Variants in VPS13D observed in about 807,000 individuals in gnomAD.
The protein encoded by VPS13D is intermembrane lipid transfer protein VPS13D.
A neutral mutation model predicts 461.9 loss-of-function variants in VPS13D; 187 were observed. That is an observed-to-expected ratio of 0.40 (90% CI 0.36 to 0.46). VPS13D has a LOEUF of 0.46. Among genes scored for constraint, VPS13D ranks in the 20% least tolerant of loss-of-function variants. The pLI, the probability that VPS13D is intolerant of heterozygous loss-of-function variation, is 0.60. For missense variants in VPS13D, 4,711 were observed against 5,364.9 expected, an observed-to-expected ratio of 0.88 and a Z score of 3.81; for synonymous variants, 1,951 against 1,986.3, an observed-to-expected ratio of 0.98 and a Z score of 0.47.
At chr1:12,294,761 G>A (rs1185489220) in intron 24 of VPS13D, among the ~76,000 whole-genome samples, 3 of 152,080 alleles carry the variant, frequency 2.0e-5, no homozygotes, top group Admixed American at 6.5e-5. Flanking sequence ...GGAGTGAGCC[G>A]AGGTGGCGCC....
chr1:12,297,289 A>C (rs1642304186), intron 24 of VPS13D, among the ~76,000 whole-genome samples: 1 of 152,186 alleles, frequency 6.6e-6, no homozygotes, highest in African/African-American at 2.4e-5. Flanking sequence ...TAAGAGTATC[A>C]GTTATACCAG....
chr1:12,349,139 G>A (rs768087649), intron 45 of VPS13D, 25 bp from the exon 46 acceptor site: 5 of 1,612,890 alleles, frequency 3.1e-6, no homozygotes, highest in Non-Finnish European at 3.4e-6. Flanking sequence ...TTGCCTGAAA[G>A]TGTTAACCCT....
Position 12,279,519 on chromosome 1 carries a change from A to G in VPS13D, c.4471A>G (p.Thr1491Ala). 6.2e-7 allele frequency: 1 copy of G among 1,602,562 alleles called. No individual in the cohort carries two copies. Among genetic ancestry groups the G allele is most frequent in the South Asian group, 1.1e-5 (1 of 89,398 alleles). ...RGQAFHILNN[T>A]TIQFKLEKIP... is the part of the protein sequence containing the mutation. The stretch of plus-strand genomic sequence containing the variant: ...GCCAGCTTTTCACATCCTGAACAAC[A>G]CCACCATTCAGTTTAAACTGGAGAA... Residue 1491 changes from threonine to alanine, a missense_variant, in exon 20 of 70, where the codon ACC becomes GCC. Coordinates refer to ENST00000620676, the MANE Select transcript of VPS13D (RefSeq NM_015378.4). The surrounding 1 kb of genome is among the most constrained non-coding windows in gnomAD (Gnocchi z 4.3).
At chr1:12,485,701 T>A (rs1645788827) in intron 67 of VPS13D, among the ~76,000 whole-genome samples, 1 of 151,914 alleles carries the variant, frequency 6.6e-6, no homozygotes, top group African/African-American at 2.4e-5. Flanking sequence ...GGAGAAAAAA[T>A]CCAGTAGTGT....
rs1321620347 is a variant in VPS13D at position 12,401,638 on chromosome 1, G to C, written c.11815G>C (p.Val3939Leu). The C allele has an allele frequency of 3.7e-6, 6 of 1,613,298 alleles. No individual in the cohort carries two copies. Among genetic ancestry groups the C allele is most frequent in the Non-Finnish European group, 5.1e-6 (6 of 1,179,486 alleles). ...GATGATCACAGCTCAGAGATTCACA[G>C]TGCAAATTGAGGAGAAACTGCTCCT... ...HLMITAQRFT[V>L]QIEEKLLLKL... Residue 3939 changes from valine to leucine, a missense_variant, in exon 62 of 70, where the codon GTG (valine) becomes CTG (leucine). Val to Leu is a conservative substitution (Grantham distance 32). This residue lies in a region of VPS13D where 4,411 missense variants were observed against 4,937.8 expected (regional missense o/e 0.89). Coordinates refer to ENST00000620676, the MANE Select transcript of VPS13D (RefSeq NM_015378.4).
intron 67 of VPS13D, among the ~76,000 whole-genome samples, chr1:12,484,536 A>G (rs538590573): frequency 1.0e-3 from 157 of 152,354 alleles, no homozygotes; most frequent in Non-Finnish European, 1.1e-3. Context: ...CCCAAGATCT[A>G]GTTTGGCTTT....
Position 12,460,187 on chromosome 1 carries a change from G to C in VPS13D, c.12467-14G>C, listed in dbSNP as rs746990996. On this transcript the variant is annotated splice_polypyrimidine_tract_variant and intron_variant, in intron 66 of 69. Transcript: ENST00000620676. The stretch of plus-strand genomic sequence containing the variant: ...TCCTCGTCAGGTTACAACAGCCCTT[G>C]TCTTTTTCACTAGGTATCATTGGTG... The C allele has an allele frequency of 7.7e-6, 12 of 1,559,574 alleles. 2 individuals are homozygous for C. The South Asian group carries it at 1.4e-4, about 19-fold the overall frequency.
In VPS13D at chr1:12,318,129, C is replaced by T; in HGVS notation, c.7206C>T (p.Leu2402=). 1 of 1,614,126 alleles carries T rather than the reference C, an allele frequency of 6.2e-7. No homozygotes were observed. Among genetic ancestry groups the T allele is most frequent in the Non-Finnish European group, 8.5e-7 (1 of 1,179,992 alleles). The change falls in exon 31 of 70, where the codon CTC becomes CTT. Residue 2402 remains leucine (L), a synonymous_variant. Coordinates refer to ENST00000620676, the MANE Select transcript of VPS13D (RefSeq NM_015378.4). ...TTCTCAACAATCTCCGTGTGTTTCT[C>T]ATATTTGACTGGCTACTGTTAGTCC... ...TVVLNNLRVF[L]IFDWLLLVHD... is the part of the protein sequence containing the mutation.
At chr1:12,280,639 G>A (rs980240555) in intron 20 of VPS13D, among the ~76,000 whole-genome samples, 1 of 151,598 alleles carries the variant, frequency 6.6e-6, no homozygotes, top group Non-Finnish European at 1.5e-5. Flanking sequence ...ACAGGCATTC[G>A]CCACCACACT....
Position 12,507,526 on chromosome 1 carries a change from C to G in VPS13D, c.13035+433C>G. On this transcript the variant is annotated intron_variant, in intron 69 of 69. Transcript: ENST00000620676. This position sits in a 1 kb window ranked among gnomAD's most constrained non-coding sequence, Gnocchi z 5.3. ...AACAGTGGAAACCGTAACTTTTGTT[C>G]TAGTAGCATCTAGCATGCTCAATAA... 1 of 448,374 alleles carries G rather than the reference C, an allele frequency of 2.2e-6. No individual in the cohort carries two copies. The highest frequency in any genetic ancestry group is 1.7e-5 in the South Asian group (1 of 59,696). 27.8% of individuals were successfully genotyped at this position (448,374 alleles called of 1,614,324 possible). A position where few individuals can be genotyped will look rare whatever the true frequency, so the allele number is the denominator to read the frequency against.
intron 29 of VPS13D, 119 bp downstream of exon 29, chr1:12,312,044 A>AGCGACCACC: frequency 1.2e-6 from 1 of 805,854 alleles, no homozygotes; most frequent in Non-Finnish European, 2.0e-6. Context: ...TGTTGTCTGC[A>AGCGACCACC]GAGTGTCTTT....
intron 67 of VPS13D, among the ~76,000 whole-genome samples, chr1:12,466,060 G>A (rs902976132): frequency 3.1e-4 from 47 of 151,902 alleles, no homozygotes; most frequent in African/African-American, 4.6e-4. Flanking sequence ...GCTTGAACCC[G>A]GGAGGCGGAG....
At chr1:12,261,281 A>G in intron 12 of VPS13D, 132 bp downstream of exon 12, 1 of 1,093,938 alleles carries the variant, frequency 9.1e-7, no homozygotes, top group Middle Eastern at 2.9e-4. Context: ...GGCTGAGAGA[A>G]GAAGTATTTT....
Position 12,266,913 on chromosome 1 carries a change from A to C in VPS13D, c.1627A>C (p.Arg543=). The change falls in exon 14 of 70, where the codon AGA becomes CGA. Residue 543 remains arginine (R), a synonymous_variant. Transcript: ENST00000620676. ...ACTTCTAGCAGAGTCTCTTCCTCGA[A>C]GAAATTCCTCGTTGCTTTCAGTCCG... is the stretch of plus-strand genomic sequence containing the variant. ...VKLLAESLPR[R]NSSLLSVRLG... 1.2e-6 allele frequency: 2 copies of C among 1,604,332 alleles called. No homozygotes were observed. The highest frequency in any genetic ancestry group is 1.7e-6 in the Non-Finnish European group (2 of 1,176,956).
At chr1:12,472,380 T>C (rs1381222473) in intron 67 of VPS13D, among the ~76,000 whole-genome samples, 1 of 152,198 alleles carries the variant, frequency 6.6e-6, no homozygotes, top group Non-Finnish European at 1.5e-5. Flanking sequence ...CTCTAACTGC[T>C]TCCCATGCAG....
At chr1:12,265,885 G>A (rs1036904350) in intron 13 of VPS13D, among the ~76,000 whole-genome samples, 20 of 152,204 alleles carry the variant, frequency 1.3e-4, no homozygotes, top group African/African-American at 2.4e-4. Flanking sequence ...AAGGCTGGGC[G>A]TGGTGGCTCA....
At chr1:12,397,088 C>T (rs1644509940) in intron 60 of VPS13D, among the ~76,000 whole-genome samples, 1 of 152,118 alleles carries the variant, frequency 6.6e-6, no homozygotes, top group Non-Finnish European at 1.5e-5. Flanking sequence ...TGCCCGCCAC[C>T]ACGCCCAGCA....
At chr1:12,332,111 A>G (rs1643348099) in intron 37 of VPS13D, among the ~76,000 whole-genome samples, 1 of 152,232 alleles carries the variant, frequency 6.6e-6, no homozygotes, top group Non-Finnish European at 1.5e-5. Flanking sequence ...AGAACTATAC[A>G]TTACTACCAC....
chr1:12,482,874 T>A (rs1234945057), intron 67 of VPS13D, among the ~76,000 whole-genome samples: 2 of 151,060 alleles, frequency 1.3e-5, no homozygotes, highest in Non-Finnish European at 2.9e-5. Flanking sequence ...TCCACAATGG[T>A]GCTAGAACGT....
Sources: gnomAD v4.1 joint callset for allele counts (sites outside exome capture counted in the v4.1 genomes callset) on GRCh38, gnomAD v4.1.1 for gene constraint, gnomAD v4.1.1 regional missense constraint, Gnocchi (gnomAD v3.1) non-coding constraint, MANE v1.5 for transcripts, NCBI Gene and HGNC (gene_info 2026-07-23, HGNC 2026-07-21) for gene names.